The following SCYL1 variants were observed in gnomAD, a reference collection of about 807,000 sequenced individuals.
The protein encoded by SCYL1 is SCY1 like pseudokinase 1, also known as N-terminal kinase-like protein.
A neutral mutation model predicts 94.8 loss-of-function variants in SCYL1; 85 were observed. That is an observed-to-expected ratio of 0.90 (90% CI 0.75 to 1.07). The LOEUF (loss-of-function observed/expected upper bound fraction) is 1.07, where lower values mean the gene tolerates loss of function less well. SCYL1 is among the 50% of genes least tolerant of loss of function. The probability of loss-of-function intolerance (pLI) is 0.00; values close to 1 mark genes in which losing one functional copy is unlikely to be tolerated. For synonymous variants in SCYL1, 459 were observed against 435.5 expected (o/e 1.05, Z -0.67); for missense variants, 968 against 1,083.3 (o/e 0.89, Z 1.49).
intron 12 of SCYL1, 69 bp from the exon 13 acceptor site, chr11:65,536,517 T>G: frequency 1.3e-6 from 2 of 1,555,326 alleles, no homozygotes; most frequent in Non-Finnish European, 1.8e-6. Context: ...CACTGTCAGT[T>G]CCTGCTGTCC....
At chr11:65,536,237 G>A in intron 11 of SCYL1, 22 bp from the exon 12 acceptor site, 2 of 1,612,214 alleles carry the variant, frequency 1.2e-6, no homozygotes, top group East Asian at 2.2e-5. Context: ...AGAGACCCCA[G>A]CTCTGCCTCG....
intron 13 of SCYL1, 25 bp downstream of exon 13, chr11:65,536,775 CA>C (rs745590500): frequency 1.4e-5 from 22 of 1,578,352 alleles, no homozygotes; most frequent in Admixed American, 1.7e-5. Context: ...CTAGCTGCAT[CA>C]GTGGCTGAGA....
chr11:65,535,154 G>T, intron 9 of SCYL1, 73 bp from the exon 10 acceptor site: 2 of 1,573,884 alleles, frequency 1.3e-6, no homozygotes, highest in Non-Finnish European at 1.7e-6. Flanking sequence ...GATGAGGGCT[G>T]CCAGGAGGCT....
At position 65,538,293 on chromosome 11, in the gene SCYL1, G is replaced by A. The variant is rs571242022; in HGVS notation, c.2271G>A (p.Glu757=). The A allele has an allele frequency of 4.0e-4, 616 of 1,552,058 alleles. 9 individuals carry two copies. In the South Asian group the frequency reaches 7.1e-3, roughly 18 times the overall value. ...AGCCGAGGCCAGACTCTTGGGGTGAGGACAACTGGGAGGGCCTCGAGACTG... is the reference window on the plus strand; with the variant it reads ...AGCCGAGGCCAGACTCTTGGGGTGAAGACAACTGGGAGGGCCTCGAGACTG... The part of the protein sequence containing the change: ...STQPRPDSWG[E]DNWEGLETDS... Residue 757 remains glutamate, a synonymous_variant, in exon 17 of 18, where the codon GAG becomes GAA. Coordinates refer to ENST00000270176, the MANE Select transcript of SCYL1 (RefSeq NM_020680.4).
At chr11:65,527,970 T>C (rs927349523) in intron 6 of SCYL1, among the ~76,000 whole-genome samples, 3 of 152,168 alleles carry the variant, frequency 2.0e-5, no homozygotes, top group Admixed American at 1.3e-4. Flanking sequence ...CACGTGTACA[T>C]TCTGGCTCTG....
At chr11:65,537,749 G>A in intron 14 of SCYL1, 60 bp from the exon 15 acceptor site, 3 of 1,410,424 alleles carry the variant, frequency 2.1e-6, no homozygotes, top group Non-Finnish European at 2.9e-6. Context: ...ATGATGCTGG[G>A]GCGGGCTCAC....
chr11:65,525,615 G>A lies in SCYL1; in HGVS notation c.153G>A (p.Lys51=). The change falls in exon 2 of 18, where the codon AAG becomes AAA. Residue 51 remains lysine, a synonymous_variant. Transcript: ENST00000270176. ...TGTCCATCTTCGTCTATGATGTGAAGCCTGGCGCGGAAGAGCAGACCCAGG... is the reference window on the plus strand; with the variant it reads ...TGTCCATCTTCGTCTATGATGTGAAACCTGGCGCGGAAGAGCAGACCCAGG... ...SPVSIFVYDV[K]PGAEEQTQVA... 6.2e-7 allele frequency: 1 copy of A among 1,612,766 alleles called. No individual in the cohort carries two copies. The highest frequency in any genetic ancestry group is 8.5e-7 in the Non-Finnish European group (1 of 1,179,954).
intron 15 of SCYL1, 37 bp from the exon 16 acceptor site, chr11:65,537,930 G>A (rs758285094): frequency 3.8e-6 from 6 of 1,587,972 alleles, no homozygotes; most frequent in Admixed American, 1.8e-5. Flanking sequence ...TTTCCTCCTT[G>A]GGCCCAGGGC....
In SCYL1 at chr11:65,536,260, C is replaced by T. The variant is rs374509053; in HGVS notation, c.1577C>T (p.Ala526Val). ...VDPEKSVRDQ[A>V]FKAIRSFLSK... Reference sequence around the variant, plus strand: ...CAGCTCTGCCTCGTTACCCCACAGGCCTTCAAGGCCATTCGGAGCTTCCTG... The same window carrying T: ...CAGCTCTGCCTCGTTACCCCACAGGTCTTCAAGGCCATTCGGAGCTTCCTG... Residue 526 changes from alanine (A) to valine (V), a missense_variant and splice_region_variant, in exon 12 of 18, where the codon GCC becomes GTC. By Grantham distance (64) the Ala-to-Val change is moderately conservative. This residue lies in a region of SCYL1 where 474 missense variants were observed against 463.6 expected (regional missense o/e 1.02). Transcript: ENST00000270176. The T allele has an allele frequency of 1.2e-5, 20 of 1,613,912 alleles. No homozygotes were observed. The highest frequency in any genetic ancestry group is 1.4e-5 in the Non-Finnish European group (17 of 1,179,882).
rs1855815713 is a variant in SCYL1, at chr11:65,538,260, C to T, written c.2248-10C>T. ...GTGGGCCCCACTGCAGCCCACACTT[C>T]TCTTTACAGCCGAGGCCAGACTCTT... is the stretch of plus-strand genomic sequence containing the variant. On this transcript the variant is annotated splice_polypyrimidine_tract_variant and intron_variant, in intron 16 of 17. Coordinates refer to ENST00000270176, the MANE Select transcript of SCYL1 (RefSeq NM_020680.4). 1.3e-6 allele frequency: 2 copies of T among 1,553,734 alleles called. No homozygotes were observed. Among genetic ancestry groups the T allele is most frequent in the Non-Finnish European group, 1.7e-6 (2 of 1,148,192 alleles).
At chr11:65,530,935 C>CA (rs1855331427) in intron 7 of SCYL1, 148 bp downstream of exon 7, 11 of 823,030 alleles carry the variant, frequency 1.3e-5, no homozygotes, top group Non-Finnish European at 2.0e-5. Context: ...GGTACCTGAC[C>CA]AGCTGTCCCC....
Position 65,535,395 on chromosome 11 carries a change from C to T in SCYL1, c.1386+13C>T, listed in dbSNP as rs1404463542. 2 of 1,611,410 alleles carry T rather than the reference C, an allele frequency of 1.2e-6. No individual in the cohort carries two copies. On this transcript the variant is annotated intron_variant, in intron 10 of 17. Transcript: ENST00000270176. ...CCTCAGTGCTAGCGTGAGTGTCCTG[C>T]ACAACTGCTGGAGCCCGGTCCCTGT...
chr11:65,530,537 A>G, intron 6 of SCYL1, 92 bp from the exon 7 acceptor site: 2 of 1,446,408 alleles, frequency 1.4e-6, no homozygotes, highest in Non-Finnish European at 1.9e-6. Flanking sequence ...CATAAGGCCC[A>G]TAAGCATCAC....
rs562417006 is a variant in SCYL1, at chr11:65,537,897, G to C, written c.2031+17G>C. The C allele has an allele frequency of 8.9e-6, 14 of 1,579,314 alleles. No individual in the cohort carries two copies. Among genetic ancestry groups the C allele is most frequent in the Middle Eastern group, 1.7e-4 (1 of 6,014 alleles). ...GCTAGTCAGGTGAGCTGGGTCTGGT[G>C]GGGAGGTGTGTGTATGGGGCTCTTT... On this transcript the variant is annotated intron_variant, in intron 15 of 17. Transcript: ENST00000270176.
At chr11:65,534,314 A>T (rs1179560628) in intron 9 of SCYL1, among the ~76,000 whole-genome samples, 5 of 152,220 alleles carry the variant, frequency 3.3e-5, no homozygotes, top group Admixed American at 6.5e-5. Context: ...CAGGAGGCTG[A>T]GGCAGGAGAA....
At position 65,536,690 on chromosome 11, in the gene SCYL1, C is replaced by G. The variant is rs1427307643; in HGVS notation, c.1756C>G (p.Arg586Gly). 6.2e-7 allele frequency: 1 copy of G among 1,613,162 alleles called. No individual in the cohort carries two copies. The change falls in exon 13 of 18, where the codon CGT (arginine) becomes GGT (glycine). Residue 586 changes from arginine (R) to glycine (G), a missense_variant. Coordinates refer to ENST00000270176, the MANE Select transcript of SCYL1 (RefSeq NM_020680.4). ...GVSSLTSKLI[R>G]SHPTTAPTET... Reference sequence around the variant, plus strand: ...CTCCTCACTCACCTCCAAGCTGATCCGTTCGCACCCAACCACTGCCCCAAC... The same window carrying G: ...CTCCTCACTCACCTCCAAGCTGATCGGTTCGCACCCAACCACTGCCCCAAC...
intron 8 of SCYL1, 100 bp downstream of exon 8, chr11:65,531,783 A>G: frequency 1.2e-6 from 1 of 803,696 alleles, no homozygotes; most frequent in South Asian, 1.4e-5. Flanking sequence ...CAGAAACCCC[A>G]CCCCTGAACA....
intron 8 of SCYL1, 90 bp downstream of exon 8, chr11:65,531,773 C>T (rs1205654552): frequency 3.4e-6 from 3 of 890,090 alleles, no homozygotes; most frequent in Middle Eastern, 5.8e-4. Context: ...ACAGGGACCC[C>T]AGAAACCCCA....
At chr11:65,533,411 A>G (rs1855485323) in intron 9 of SCYL1, among the ~76,000 whole-genome samples, 1 of 151,962 alleles carries the variant, frequency 6.6e-6, no homozygotes, top group Admixed American at 6.6e-5. Context: ...AACAAGAGGG[A>G]AACTCTGTTT....
Sources: gnomAD v4.1 joint callset for allele counts (sites outside exome capture counted in the v4.1 genomes callset) on GRCh38, gnomAD v4.1.1 for gene constraint, gnomAD v4.1.1 regional missense constraint, MANE v1.5 for transcripts, NCBI Gene and HGNC (gene_info 2026-07-23, HGNC 2026-07-21) for gene names.